ATF2: variants seen among roughly 807,000 people sequenced by gnomAD.
ATF2 encodes the protein activating transcription factor 2.
ATF2 carries 24 observed loss-of-function variants against 60.6 expected under a neutral mutation model. The observed-to-expected ratio is 0.40, with a 90% CI of 0.29 to 0.56. The LOEUF is 0.56. ATF2 is among the 20% of genes least tolerant of loss of function. The pLI, the probability that ATF2 is intolerant of heterozygous loss-of-function variation, is 0.54. For synonymous variants in ATF2, 206 were observed against 215.4 expected, an observed-to-expected ratio of 0.96 and a Z score of 0.38; for missense variants, 433 against 607.7, an observed-to-expected ratio of 0.71 and a Z score of 3.02.
Position 175,074,830 on chromosome 2 carries a change from C to T in ATF2, c.1297G>A (p.Asp433Asn). The part of the protein sequence containing the change: ...MQKKSGYHTA[D>N]KDDSSEDISV... Reference sequence around the variant, plus strand: ...ATGTCTTCTGAACTATCATCTTTATCAGCAGCTGGGTGGAAAAAAGAAAAA... The same window carrying T: ...ATGTCTTCTGAACTATCATCTTTATTAGCAGCTGGGTGGAAAAAAGAAAAA... Residue 433 changes from aspartate (D) to asparagine (N), a missense_variant, in exon 14 of 14, where the codon GAT becomes AAT. This residue lies in a region of ATF2 where 114 missense variants were observed against 104.0 expected (regional missense o/e 1.10). Coordinates refer to ENST00000264110, the MANE Select transcript of ATF2 (RefSeq NM_001880.4). 6.2e-7 allele frequency: 1 copy of T among 1,613,378 alleles called. No individual in the cohort carries two copies.
At chr2:175,164,029 T>C (rs1346701763) in intron 1 of ATF2, among the ~76,000 whole-genome samples, 7 of 148,308 alleles carry the variant, frequency 4.7e-5, no homozygotes, top group Non-Finnish European at 7.4e-5. Context: ...AATTATATAA[T>C]ATGTAACATT....
intron 11 of ATF2, among the ~76,000 whole-genome samples, chr2:175,095,271 G>T (rs1694856382): frequency 6.6e-6 from 1 of 151,792 alleles, no homozygotes; most frequent in Non-Finnish European, 1.5e-5. Context: ...CTTAATTTTT[G>T]TATTTTTAGT....
At chr2:175,141,621 T>C (rs1698543443) in intron 2 of ATF2, among the ~76,000 whole-genome samples, 2 of 152,094 alleles carry the variant, frequency 1.3e-5, no homozygotes, top group South Asian at 4.2e-4. Flanking sequence ...GCCTCCTAAG[T>C]AGCTGGGACT....
chr2:175,104,470 G>T (rs186237076), intron 10 of ATF2, among the ~76,000 whole-genome samples: 3 of 152,078 alleles, frequency 2.0e-5, no homozygotes, highest in Admixed American at 6.6e-5. Flanking sequence ...GGCAGGGTGG[G>T]GGGGGCGGTG....
chr2:175,158,778 C>T (rs1699840187), intron 1 of ATF2, among the ~76,000 whole-genome samples: 1 of 151,638 alleles, frequency 6.6e-6, no homozygotes, highest in Non-Finnish European at 1.5e-5. Context: ...TGTATGATTA[C>T]ACTATGATCC....
intron 1 of ATF2, among the ~76,000 whole-genome samples, chr2:175,159,201 TC>T (rs1699868064): frequency 6.6e-6 from 1 of 151,856 alleles, no homozygotes; most frequent in Admixed American, 6.6e-5. Flanking sequence ...AGACTATAGT[TC>T]CAGCTGCTCA....
intron 2 of ATF2, among the ~76,000 whole-genome samples, chr2:175,141,681 G>A (rs1698550151): frequency 1.3e-5 from 2 of 152,000 alleles, no homozygotes; most frequent in South Asian, 4.2e-4. Context: ...TTTTAGTAGA[G>A]ACGGGGTTTC....
intron 12 of ATF2, among the ~76,000 whole-genome samples, chr2:175,089,849 T>C (rs1694423555): frequency 6.6e-6 from 1 of 152,208 alleles, no homozygotes; most frequent in Non-Finnish European, 1.5e-5. Context: ...GTTTGCACCT[T>C]GGTACATGTC....
chr2:175,142,685 AAG>A (rs371270320), intron 2 of ATF2, among the ~76,000 whole-genome samples: 23,343 of 125,252 alleles, frequency 0.19, 1,822 homozygotes, highest in Non-Finnish European at 0.23. Context: ...ACGCTGCCGA[AAG>A]AGAGAGAGAG....
At chr2:175,142,465 C>T (rs1487549491) in intron 2 of ATF2, among the ~76,000 whole-genome samples, 1 of 151,936 alleles carries the variant, frequency 6.6e-6, no homozygotes, top group East Asian at 1.9e-4. Context: ...TTGTGCCTGG[C>T]CCTCTTTCCA....
At chr2:175,137,279 C>T (rs542611013) in intron 2 of ATF2, among the ~76,000 whole-genome samples, 2 of 152,230 alleles carry the variant, frequency 1.3e-5, no homozygotes, top group South Asian at 4.1e-4. Flanking sequence ...CTTCCCTTGT[C>T]CCATGCAAAA....
chr2:175,146,142 T>C (rs1242650171), intron 2 of ATF2, among the ~76,000 whole-genome samples: 1 of 152,190 alleles, frequency 6.6e-6, no homozygotes, highest in African/African-American at 2.4e-5. Flanking sequence ...ATATAGAACC[T>C]GTATCTAATA....
chr2:175,093,385 T>A, intron 11 of ATF2, 118 bp from the exon 12 acceptor site: 1 of 975,168 alleles, frequency 1.0e-6, no homozygotes, highest in East Asian at 2.6e-5. Context: ...GTTGAATACA[T>A]CAGTATGTTG....
chr2:175,129,365 T>C (rs1412040485), intron 4 of ATF2, among the ~76,000 whole-genome samples: 5 of 152,110 alleles, frequency 3.3e-5, no homozygotes, highest in African/African-American at 1.2e-4. Context: ...GTATGTTTAC[T>C]ATCCTGATTG....
intron 1 of ATF2, among the ~76,000 whole-genome samples, chr2:175,160,980 G>A (rs914841437): frequency 3.3e-5 from 5 of 152,172 alleles, no homozygotes; most frequent in African/African-American, 1.2e-4. Context: ...GGAAGCCGCA[G>A]TGAGACTTAG....
intron 4 of ATF2, among the ~76,000 whole-genome samples, chr2:175,122,504 T>C (rs1183819365): frequency 1.3e-5 from 2 of 152,038 alleles, no homozygotes; most frequent in African/African-American, 2.4e-5. Flanking sequence ...TTCCATTTCT[T>C]GTGGTCTCCT....
intron 12 of ATF2, among the ~76,000 whole-genome samples, chr2:175,088,982 G>A (rs1694359825): frequency 6.6e-6 from 1 of 152,226 alleles, no homozygotes; most frequent in Non-Finnish European, 1.5e-5. Flanking sequence ...GGGAGTTCGA[G>A]ACCAGCCTGA....
At chr2:175,143,534 TA>T (rs1449458816) in intron 2 of ATF2, among the ~76,000 whole-genome samples, 1 of 152,136 alleles carries the variant, frequency 6.6e-6, no homozygotes, top group Non-Finnish European at 1.5e-5. Context: ...TATATCAAAG[TA>T]AAGGCATATT....
intron 3 of ATF2, among the ~76,000 whole-genome samples, chr2:175,130,597 A>G (rs1697660939): frequency 6.6e-6 from 1 of 152,158 alleles, no homozygotes; most frequent in Admixed American, 6.5e-5. Context: ...CCAGTCCTAT[A>G]TTCTAGTGGA....
Sources: gnomAD v4.1 joint callset for allele counts (sites outside exome capture counted in the v4.1 genomes callset) on GRCh38, gnomAD v4.1.1 for gene constraint, gnomAD v4.1.1 regional missense constraint, MANE v1.5 for transcripts, NCBI Gene and HGNC (gene_info 2026-07-23, HGNC 2026-07-21) for gene names.